The following LARP4 variants were observed in gnomAD, a reference collection of about 807,000 sequenced individuals.
LARP4 encodes La ribonucleoprotein 4, also known as la-related protein 4.
Under a neutral mutation model 92.9 loss-of-function variants are expected in LARP4, and 29 were observed. The observed-to-expected ratio is 0.31, with a 90% confidence interval of 0.23 to 0.43. The LOEUF is 0.43. LARP4 is among the 20% of genes least tolerant of loss of function. The pLI, the probability that LARP4 is intolerant of heterozygous loss-of-function variation, is 1.00. For synonymous variants in LARP4, 279 were observed against 284.1 expected (o/e 0.98, Z 0.18); for missense variants, 732 against 860.0 (o/e 0.85, Z 1.86).
intron 2 of LARP4, 46 bp downstream of exon 2, chr12:50,427,955 G>A (rs368617388): frequency 7.8e-5 from 88 of 1,123,340 alleles, no homozygotes; most frequent in Non-Finnish European, 1.1e-4. Flanking sequence ...TTGGTTAAAT[G>A]TATGGCCAAG....
At chr12:50,450,133 C>T (rs1346027830) in intron 8 of LARP4, among the ~76,000 whole-genome samples, 1 of 151,916 alleles carries the variant, frequency 6.6e-6, no homozygotes, top group African/African-American at 2.4e-5. Context: ...CATGGTTTCA[C>T]CATGTTGGCC....
intron 11 of LARP4, chr12:50,461,571 T>C (rs1357205712): frequency 6.3e-6 from 3 of 476,594 alleles, no homozygotes; most frequent in South Asian, 4.9e-5. Flanking sequence ...TATAAAGTTA[T>C]TCTGAAGTTC....
rs1304673108 is a variant in LARP4, at chr12:50,475,233, A to C, written c.1837-293A>C. On this transcript the variant is annotated intron_variant, in intron 15 of 15. Coordinates refer to ENST00000398473, the MANE Select transcript of LARP4 (RefSeq NM_052879.5). The stretch of plus-strand genomic sequence containing the variant: ...GGAGCAGAAAGAACCATTTTATTTC[A>C]TCATATGGCTATACCATTATTCATC... Among the ~76,000 whole-genome samples the C allele has an allele frequency of 5.3e-5, 8 of 152,130 alleles. No individual in the cohort carries two copies. In the East Asian group the frequency reaches 1.5e-3, roughly 29 times the overall value.
intron 1 of LARP4, among the ~76,000 whole-genome samples, chr12:50,408,081 T>C (rs1945164003): frequency 6.6e-6 from 1 of 151,590 alleles, no homozygotes; most frequent in African/African-American, 2.4e-5. Context: ...TGAATATTAT[T>C]AGGGGTAGGA....
At chr12:50,432,155 T>G (rs1949752129) in intron 4 of LARP4, among the ~76,000 whole-genome samples, 3 of 152,218 alleles carry the variant, frequency 2.0e-5, no homozygotes, top group Admixed American at 2.0e-4. Context: ...GGTCTGCTTC[T>G]ATTGTCTGGG....
At chr12:50,425,522 A>C (rs1036324511) in intron 1 of LARP4, among the ~76,000 whole-genome samples, 1 of 152,218 alleles carries the variant, frequency 6.6e-6, no homozygotes, top group Non-Finnish European at 1.5e-5. Flanking sequence ...GAGCTTGGCT[A>C]TCACAAGCTA....
At chr12:50,402,230 G>A (rs1468146549) in intron 1 of LARP4, among the ~76,000 whole-genome samples, 1 of 151,676 alleles carries the variant, frequency 6.6e-6, no homozygotes, top group Non-Finnish European at 1.5e-5. Flanking sequence ...ATATTGTGTC[G>A]CCGATAAGCT....
rs1957320226 is a variant in LARP4 at position 50,474,422 on chromosome 12, A to T, written c.1836+255A>T. 2.0e-5 allele frequency among the ~76,000 whole-genome samples: 3 copies of T among 152,004 alleles called. No individual in the cohort carries two copies. The South Asian group carries it at 6.2e-4, about 32-fold the overall frequency. ...GAGTGCAGTGGCACGATCTCGCGTC[A>T]CTGCAAGCTCCGCCTCCCGGGTTCA... On this transcript the variant is annotated intron_variant, in intron 15 of 15. Coordinates refer to ENST00000398473, the MANE Select transcript of LARP4 (RefSeq NM_052879.5).
chr12:50,458,904 T>C (rs879831446), intron 10 of LARP4, among the ~76,000 whole-genome samples: 7 of 152,238 alleles, frequency 4.6e-5, no homozygotes, highest in Non-Finnish European at 1.0e-4. Flanking sequence ...TGCCATGCTA[T>C]TGGGTGCATT....
chr12:50,433,765 A>G (rs748928127), intron 4 of LARP4, among the ~76,000 whole-genome samples: 19 of 151,564 alleles, frequency 1.3e-4, no homozygotes, highest in Non-Finnish European at 2.8e-4. Context: ...TCAGCCTCCC[A>G]AGTAGCTGGG....
At chr12:50,446,003 CT>C (rs71441367) in intron 8 of LARP4, among the ~76,000 whole-genome samples, 116 of 126,942 alleles carry the variant, frequency 9.1e-4, no homozygotes, top group Admixed American at 1.3e-3. Context: ...TTTCTTTTTT[CT>C]TTTTTTTTTT....
chr12:50,401,115 G>A (rs1303097534), intron 1 of LARP4, 87 bp downstream of exon 1: 1 of 1,499,366 alleles, frequency 6.7e-7, no homozygotes, highest in Admixed American at 1.7e-5. Flanking sequence ...GTGACTTTCC[G>A]GGCCGTACAC....
intron 11 of LARP4, among the ~76,000 whole-genome samples, chr12:50,462,112 A>G (rs1472222060): frequency 6.6e-6 from 1 of 152,164 alleles, no homozygotes; most frequent in Non-Finnish European, 1.5e-5. Context: ...AATTGGCTCA[A>G]GATCCCTCAG....
chr12:50,456,757 G>A (rs1315401035), intron 10 of LARP4, among the ~76,000 whole-genome samples: 2 of 152,034 alleles, frequency 1.3e-5, no homozygotes, highest in Non-Finnish European at 2.9e-5. Flanking sequence ...CCCTCTCAGT[G>A]AAGGGTAAGA....
In LARP4 at chr12:50,433,198, ATCT is replaced by A. The variant is rs559824034; in HGVS notation, c.399-2285_399-2283del. ...CTGCAAATGCTCTCAGGAAGGAAAG[ATCT>A]TCTTTGGGGCATTTTAGTCATTTTG... On this transcript the variant is annotated intron_variant, in intron 4 of 15. Transcript: ENST00000398473. Among the ~76,000 whole-genome samples, 50 of 151,682 alleles carry A rather than the reference ATCT, an allele frequency of 3.3e-4. No homozygotes were observed. In the South Asian group the frequency reaches 4.4e-3, roughly 13 times the overall value.
intron 5 of LARP4, among the ~76,000 whole-genome samples, chr12:50,436,745 AC>A (rs1404963187): frequency 6.6e-6 from 1 of 152,198 alleles, no homozygotes; most frequent in Admixed American, 6.5e-5. Context: ...GCAGATCTTC[AC>A]TTTTATATGA....
chr12:50,436,155 GGTGT>G (rs1233189885), intron 5 of LARP4, among the ~76,000 whole-genome samples: 24 of 107,224 alleles, frequency 2.2e-4, no homozygotes, highest in Admixed American at 1.1e-3. Context: ...ATCCCGCTGG[GGTGT>G]GTGTGTGTGT....
rs1220049232 is a variant in LARP4 at position 50,421,215 on chromosome 12, CT to C, written c.19-6544del. The C allele has an allele frequency of 3.2e-6, 3 of 932,152 alleles. No homozygotes were observed. The African/African-American group carries it at 5.3e-5, about 17-fold the overall frequency. The allele number at this position is 932,152 out of a possible 1,614,324, so 57.7% of individuals were successfully genotyped here. Reference sequence around the variant, plus strand: ...CTGCCCGCCTTGGCCTCTCAAAGTGCTTTGATTACAGGCGTGAGCCACCGTA... The same window carrying C: ...CTGCCCGCCTTGGCCTCTCAAAGTGCTTGATTACAGGCGTGAGCCACCGTA... On this transcript the variant is annotated intron_variant, in intron 1 of 15. Coordinates refer to ENST00000398473, the MANE Select transcript of LARP4 (RefSeq NM_052879.5).
intron 13 of LARP4, among the ~76,000 whole-genome samples, chr12:50,472,500 AT>A (rs75116778): frequency 6.7e-6 from 1 of 150,302 alleles, no homozygotes. Flanking sequence ...GATTTCATTA[AT>A]TTTTTTTTAA....
Sources: allele counts gnomAD v4.1 joint callset (sites outside exome capture counted in the v4.1 genomes callset), GRCh38; gene constraint gnomAD v4.1.1; transcripts MANE v1.5; gene names NCBI Gene and HGNC (gene_info 2026-07-23, HGNC 2026-07-21).